SPAG17: variants seen among roughly 807,000 people sequenced by gnomAD.
SPAG17 encodes the protein sperm-associated antigen 17.
Under a neutral mutation model 273.6 loss-of-function variants are expected in SPAG17, and 169 were observed. That is an observed-to-expected ratio of 0.62 (90% CI 0.55 to 0.70). SPAG17 has a LOEUF of 0.70. Among genes scored for constraint, SPAG17 ranks in the 30% least tolerant of loss-of-function variants. The pLI, the probability that SPAG17 is intolerant of heterozygous loss-of-function variation, is 0.00. For missense variants in SPAG17, 2,557 were observed against 2,627.8 expected, an observed-to-expected ratio of 0.97 and a Z score of 0.59; for synonymous variants, 825 against 873.2, an observed-to-expected ratio of 0.94 and a Z score of 0.97.
intron 23 of SPAG17, among the ~76,000 whole-genome samples, chr1:118,038,619 A>G (rs1205621253): frequency 6.6e-6 from 1 of 152,220 alleles, no homozygotes; most frequent in East Asian, 1.9e-4. Context: ...CAAGCCATGA[A>G]AAGACACACA....
intron 32 of SPAG17, among the ~76,000 whole-genome samples, chr1:118,004,181 G>A (rs958111236): frequency 2.6e-5 from 4 of 152,124 alleles, no homozygotes; most frequent in East Asian, 1.9e-4. Flanking sequence ...TCCTTCCTCT[G>A]GAAGCTTCGT....
At chr1:118,160,459 G>A (rs1367376730) in intron 1 of SPAG17, among the ~76,000 whole-genome samples, 1 of 152,138 alleles carries the variant, frequency 6.6e-6, no homozygotes, top group Non-Finnish European at 1.5e-5. Flanking sequence ...CAAAATAACC[G>A]ACCAATACTC....
intron 46 of SPAG17, among the ~76,000 whole-genome samples, 153 bp downstream of exon 46, chr1:117,969,903 A>G (rs1242278230): frequency 6.6e-6 from 1 of 152,194 alleles, no homozygotes; most frequent in East Asian, 1.9e-4. Flanking sequence ...TATCACTACG[A>G]GAAATCTTTT....
chr1:118,058,981 A>G (rs906706300), intron 18 of SPAG17, among the ~76,000 whole-genome samples: 3 of 152,220 alleles, frequency 2.0e-5, no homozygotes. Flanking sequence ...ATCCATAATC[A>G]TAAAAAGATA....
chr1:117,976,592 C>G (rs1344872349), intron 43 of SPAG17, among the ~76,000 whole-genome samples: 1 of 152,194 alleles, frequency 6.6e-6, no homozygotes, highest in Non-Finnish European at 1.5e-5. Flanking sequence ...CTTTGACCTT[C>G]TGCTGTGAGG....
intron 24 of SPAG17, among the ~76,000 whole-genome samples, chr1:118,034,168 T>A (rs988207057): frequency 2.6e-5 from 4 of 152,226 alleles, no homozygotes; most frequent in Admixed American, 2.6e-4. Flanking sequence ...CCTACTACTA[T>A]GTACCATGAA....
chr1:118,004,193 C>A (rs189960546), intron 32 of SPAG17, among the ~76,000 whole-genome samples: 1 of 152,298 alleles, frequency 6.6e-6, no homozygotes, highest in African/African-American at 2.4e-5. Flanking sequence ...AAGCTTCGTC[C>A]CAGAGGGGCA....
intron 29 of SPAG17, among the ~76,000 whole-genome samples, chr1:118,012,657 G>A (rs1178423075): frequency 6.6e-6 from 1 of 152,230 alleles, no homozygotes; most frequent in African/African-American, 2.4e-5. Flanking sequence ...CATCTGGACT[G>A]GGTTAACCCA....
chr1:118,005,293 C>T lies in SPAG17; in HGVS notation c.4776+121G>A, dbSNP rs558014309. ...CATTACTGCTTGCCCAAAGTATTGGCAGTAAGTGGATAATTAATCCCAAGG... is the reference window on the plus strand; with the variant it reads ...CATTACTGCTTGCCCAAAGTATTGGTAGTAAGTGGATAATTAATCCCAAGG... On this transcript the variant is annotated intron_variant, in intron 32 of 48. Transcript: ENST00000336338. The T allele has an allele frequency of 3.4e-4, 254 of 745,120 alleles. 2 individuals are homozygous for T. In the South Asian group the frequency reaches 6.1e-3, roughly 18 times the overall value. The allele number at this position is 745,120 out of a possible 1,614,324, so 46.2% of individuals were successfully genotyped here. A position where few individuals can be genotyped will look rare whatever the true frequency, so the allele number is the denominator to read the frequency against.
At chr1:118,062,125 T>C (rs1344802879) in intron 18 of SPAG17, among the ~76,000 whole-genome samples, 8 of 152,044 alleles carry the variant, frequency 5.3e-5, no homozygotes, top group Non-Finnish European at 1.2e-4. Context: ...CCCAGCACTT[T>C]GGGAGGCCGA....
At chr1:118,032,636 C>A (rs1363317367) in intron 24 of SPAG17, among the ~76,000 whole-genome samples, 1 of 151,580 alleles carries the variant, frequency 6.6e-6, no homozygotes. Flanking sequence ...ACTCTGTCAC[C>A]CAGGCTGGAG....
chr1:118,042,930 G>A (rs1010267654), intron 20 of SPAG17, among the ~76,000 whole-genome samples: 8 of 152,036 alleles, frequency 5.3e-5, no homozygotes, highest in Admixed American at 2.0e-4. Flanking sequence ...TTGTTAAGAC[G>A]CCAAGAACCT....
chr1:118,037,711 G>T (rs1028816000), intron 23 of SPAG17, among the ~76,000 whole-genome samples: 1 of 152,156 alleles, frequency 6.6e-6, no homozygotes, highest in Non-Finnish European at 1.5e-5. Context: ...ATTCCGTAGT[G>T]TGTATGTACC....
chr1:118,081,067 A>T, intron 15 of SPAG17, 34 bp downstream of exon 15: 1 of 1,353,702 alleles, frequency 7.4e-7, no homozygotes, highest in Non-Finnish European at 1.0e-6. Flanking sequence ...TTACACACAC[A>T]CACACACACA....
chr1:118,092,108 T>G, intron 8 of SPAG17, 106 bp from the exon 9 acceptor site: 1 of 926,944 alleles, frequency 1.1e-6, no homozygotes, highest in Non-Finnish European at 1.7e-6. Flanking sequence ...GGTTGTATAA[T>G]TATGTTCACA....
intron 8 of SPAG17, 51 bp from the exon 9 acceptor site, chr1:118,092,053 T>C: frequency 1.3e-6 from 2 of 1,486,260 alleles, no homozygotes; most frequent in East Asian, 2.3e-5. Flanking sequence ...AGCTGAGAGA[T>C]GCCCTCATCA....
intron 7 of SPAG17, among the ~76,000 whole-genome samples, chr1:118,094,864 C>A (rs1655609838): frequency 1.3e-5 from 2 of 152,090 alleles, no homozygotes; most frequent in East Asian, 3.9e-4. Flanking sequence ...TGGACCCAGA[C>A]CACAGCCCTG....
chr1:117,959,261 AT>A (rs757829055), intron 48 of SPAG17: 12 of 1,593,584 alleles, frequency 7.5e-6, no homozygotes, highest in Non-Finnish European at 8.5e-6. Flanking sequence ...GTGGGAGAAA[AT>A]TTTTTAATAT....
intron 17 of SPAG17, among the ~76,000 whole-genome samples, chr1:118,068,176 T>A (rs986058468): frequency 6.6e-6 from 1 of 150,900 alleles, no homozygotes; most frequent in Admixed American, 6.6e-5. Flanking sequence ...AACATAATAA[T>A]GTTAGAAAAG....
Sources: allele counts gnomAD v4.1 joint callset (sites outside exome capture counted in the v4.1 genomes callset), GRCh38; gene constraint gnomAD v4.1.1; transcripts MANE v1.5; gene names NCBI Gene and HGNC (gene_info 2026-07-23, HGNC 2026-07-21).